Variants in SHANK2 observed in about 807,000 individuals in gnomAD.
SHANK2 encodes SH3 and multiple ankyrin repeat domains 2, also known as SH3 and multiple ankyrin repeat domains protein 2.
In SHANK2, 43 loss-of-function variants were observed where a neutral mutation model predicts 133.7. The ratio of observed to expected loss-of-function variants is 0.32; its 90% CI spans 0.25 to 0.41. The LOEUF (loss-of-function observed/expected upper bound fraction) is 0.41, where lower values mean the gene tolerates loss of function less well. SHANK2 is among the 10% of genes least tolerant of loss of function. The probability of loss-of-function intolerance (pLI) is 1.00; values close to 1 mark genes in which losing one functional copy is unlikely to be tolerated. For missense variants in SHANK2, 1,994 were observed against 2,235.8 expected (o/e 0.89, Z 2.18); for synonymous variants, 1,017 against 952.8 (o/e 1.07, Z -1.24).
chr11:70,561,673 C>A (rs182612700), intron 17 of SHANK2, among the ~76,000 whole-genome samples: 1 of 149,684 alleles, frequency 6.7e-6, no homozygotes, highest in African/African-American at 2.5e-5. Flanking sequence ...GGACTGCAGA[C>A]GTGCACCGTC....
In SHANK2 at chr11:71,118,836, G is replaced by A; in HGVS notation, c.404C>T (p.Ser135Phe). ...YPQPVGEGVP[S>F]LEFRYKKRVY... ...CTGTGGGCTGAAATATACCTCCAGG[G>A]AAGGAACGCCCTCACCCACGGGCTG... Residue 135 changes from serine (S) to phenylalanine (F), a missense_variant, in exon 4 of 26, where the codon TCC (serine) becomes TTC (phenylalanine). This residue lies in a region of SHANK2 where 653 missense variants were observed against 563.4 expected (regional missense o/e 1.16). Coordinates refer to ENST00000601538, the MANE Select transcript of SHANK2 (RefSeq NM_012309.5). The A allele has an allele frequency of 6.5e-7, 1 of 1,547,862 alleles. No homozygotes were observed. Among genetic ancestry groups the A allele is most frequent in the Non-Finnish European group, 8.7e-7 (1 of 1,144,736 alleles).
intron 2 of SHANK2, among the ~76,000 whole-genome samples, chr11:71,151,945 G>C (rs563770524): frequency 1.1e-4 from 16 of 152,320 alleles, no homozygotes; most frequent in Non-Finnish European, 1.9e-4. Context: ...CACGAAGGGG[G>C]CGATGCTGGC....
intron 17 of SHANK2, among the ~76,000 whole-genome samples, chr11:70,504,228 C>T (rs2059103387): frequency 6.9e-6 from 1 of 145,232 alleles, no homozygotes; most frequent in Admixed American, 7.1e-5. Context: ...ATCTGGTATA[C>T]CCACAAACAG....
intron 12 of SHANK2, among the ~76,000 whole-genome samples, chr11:70,815,785 T>C (rs1367943674): frequency 6.6e-6 from 1 of 152,184 alleles, no homozygotes; most frequent in African/African-American, 2.4e-5. Context: ...CTTGAGGGTG[T>C]GACCTGAGGC....
intron 6 of SHANK2, among the ~76,000 whole-genome samples, chr11:71,109,534 G>C (rs1951858000): frequency 1.3e-5 from 2 of 152,238 alleles, no homozygotes; most frequent in Admixed American, 1.3e-4. Flanking sequence ...TAAGATGCAT[G>C]GGTGCAGATG....
At chr11:70,643,364 C>A (rs1019709863) in intron 17 of SHANK2, among the ~76,000 whole-genome samples, 4 of 152,082 alleles carry the variant, frequency 2.6e-5, no homozygotes, top group Admixed American at 1.3e-4. Context: ...GAGATCAAGA[C>A]CATCCTGGCT....
rs144884555 is a variant in SHANK2, at chr11:70,710,683, G to C, written c.1778-11920C>G. 1.5e-3 allele frequency among the ~76,000 whole-genome samples: 223 copies of C among 152,326 alleles called. 1 individual carries two copies. The highest frequency in any genetic ancestry group is 5.2e-3 in the African/African-American group (218 of 41,564). ...AAGAGTTGGGGAGGCCAGTCCCATA[G>C]ACTCAGGGAGCCAAATCCTGCCCAC... On this transcript the variant is annotated intron_variant, in intron 14 of 25. Coordinates refer to ENST00000601538, the MANE Select transcript of SHANK2 (RefSeq NM_012309.5).
At chr11:70,528,747 C>A (rs1334073175) in intron 17 of SHANK2, among the ~76,000 whole-genome samples, 1 of 151,708 alleles carries the variant, frequency 6.6e-6, no homozygotes, top group Non-Finnish European at 1.5e-5. Context: ...TCCTCGGCAT[C>A]CGTGGGGGAG....
chr11:70,937,545 G>A (rs1232729256), intron 10 of SHANK2, among the ~76,000 whole-genome samples: 1 of 152,218 alleles, frequency 6.6e-6, no homozygotes, highest in African/African-American at 2.4e-5. Flanking sequence ...TGCACCTGGA[G>A]TACCCAGAGG....
chr11:70,654,137 C>G (rs782294946), intron 17 of SHANK2: 1 of 152,208 alleles, frequency 6.6e-6, no homozygotes, highest in Admixed American at 6.5e-5. Context: ...CAAGGGAAAA[C>G]CTATTTGCAG....
chr11:70,745,993 C>T (rs553941969), intron 14 of SHANK2, among the ~76,000 whole-genome samples: 1 of 152,372 alleles, frequency 6.6e-6, no homozygotes, highest in East Asian at 1.9e-4. Context: ...ATGCATGCTG[C>T]ACCCTCCTCT....
At chr11:70,888,217 G>A (rs1949777503) in intron 11 of SHANK2, among the ~76,000 whole-genome samples, 1 of 151,940 alleles carries the variant, frequency 6.6e-6, no homozygotes, top group South Asian at 2.1e-4. Context: ...GATATGGGGT[G>A]GAGGAAGCCA....
chr11:70,480,411 C>T (rs536473317), intron 25 of SHANK2, among the ~76,000 whole-genome samples: 9 of 152,316 alleles, frequency 5.9e-5, no homozygotes, highest in Non-Finnish European at 8.8e-5. Flanking sequence ...GCTGGTGTCC[C>T]GTGGCTCTCT....
rs551454350 is a variant in SHANK2, at chr11:70,882,070, G to A, written c.1174+14431C>T. On this transcript the variant is annotated intron_variant, in intron 11 of 25. Coordinates refer to ENST00000601538, the MANE Select transcript of SHANK2 (RefSeq NM_012309.5). The surrounding 1 kb of genome is among the most constrained non-coding windows in gnomAD (Gnocchi z 4.2). Reference sequence around the variant, plus strand: ...CTTGCTAGAGAGGCGGAAAACATCAGTGTGAATTCCCCAAGCCCCCAGGGG... The same window carrying A: ...CTTGCTAGAGAGGCGGAAAACATCAATGTGAATTCCCCAAGCCCCCAGGGG... Among the ~76,000 whole-genome samples, 3 of 152,246 alleles carry A rather than the reference G, an allele frequency of 2.0e-5. 1 individual carries two copies. Among genetic ancestry groups the A allele is most frequent in the African/African-American group, 7.2e-5 (3 of 41,530 alleles).
At chr11:71,110,114 T>C in intron 5 of SHANK2, 65 bp from the exon 6 acceptor site, 3 of 1,193,676 alleles carry the variant, frequency 2.5e-6, no homozygotes, top group Non-Finnish European at 1.2e-6. Flanking sequence ...AGCAACAAAG[T>C]GAGACCCCGT....
chr11:70,683,095 C>T (rs782088891), intron 15 of SHANK2, among the ~76,000 whole-genome samples: 63 of 152,116 alleles, frequency 4.1e-4, no homozygotes, highest in Non-Finnish European at 8.4e-4. Context: ...CCAGGCTCAC[C>T]GCTGGCTCAG....
At chr11:70,670,688 C>T (rs1555015859) in intron 15 of SHANK2, among the ~76,000 whole-genome samples, 1 of 152,240 alleles carries the variant, frequency 6.6e-6, no homozygotes, top group African/African-American at 2.4e-5. Context: ...CTTGCCCTTC[C>T]TGCATAACTC....
At chr11:70,870,132 G>A (rs940728360) in intron 11 of SHANK2, among the ~76,000 whole-genome samples, 4 of 152,102 alleles carry the variant, frequency 2.6e-5, no homozygotes, top group Non-Finnish European at 4.4e-5. Flanking sequence ...TGTGGCCCAG[G>A]GCACTATGGA....
At chr11:70,902,343 A>G (rs1555076945) in intron 10 of SHANK2, among the ~76,000 whole-genome samples, 1 of 152,200 alleles carries the variant, frequency 6.6e-6, no homozygotes, top group African/African-American at 2.4e-5. Flanking sequence ...GTGGATCTCA[A>G]AGGAAAGGGA....
Sources: gnomAD v4.1 joint callset for allele counts (sites outside exome capture counted in the v4.1 genomes callset) on GRCh38, gnomAD v4.1.1 for gene constraint, gnomAD v4.1.1 regional missense constraint, Gnocchi (gnomAD v3.1) non-coding constraint, MANE v1.5 for transcripts, NCBI Gene and HGNC (gene_info 2026-07-23, HGNC 2026-07-21) for gene names.